The following EPHA6 variants were observed in gnomAD, a reference collection of about 807,000 sequenced individuals.
EPHA6 encodes ephrin type-A receptor 6.
Under a neutral mutation model 112.0 loss-of-function variants are expected in EPHA6, and 50 were observed. The ratio of observed to expected loss-of-function variants is 0.45; its 90% CI spans 0.36 to 0.56. The LOEUF is 0.56. Among genes scored for constraint, EPHA6 ranks in the 20% least tolerant of loss-of-function variants. The pLI is 0.00. For synonymous variants in EPHA6, 529 were observed against 490.7 expected, an observed-to-expected ratio of 1.08 and a Z score of -1.03; for missense variants, 1,280 against 1,417.4, an observed-to-expected ratio of 0.90 and a Z score of 1.56.
intron 3 of EPHA6, among the ~76,000 whole-genome samples, chr3:97,058,247 C>T (rs1335018240): frequency 1.3e-5 from 2 of 151,668 alleles, no homozygotes; most frequent in African/African-American, 2.4e-5. Context: ...GTGCTTTTTA[C>T]CTGAAACCTA....
chr3:97,150,154 T>TA (rs147523017), intron 3 of EPHA6, among the ~76,000 whole-genome samples: 2,411 of 152,062 alleles, frequency 0.016, 74 homozygotes, highest in African/African-American at 0.055. Context: ...CTGTTCTAGT[T>TA]AAAAAATTGA....
intron 4 of EPHA6, among the ~76,000 whole-genome samples, chr3:97,231,132 G>A (rs188449373): frequency 8.3e-4 from 127 of 152,114 alleles, no homozygotes; most frequent in Middle Eastern, 3.4e-3. Flanking sequence ...GACATATTCT[G>A]GTCTCCTCCA....
intron 2 of EPHA6, among the ~76,000 whole-genome samples, chr3:96,964,839 G>C (rs750176717): frequency 6.6e-6 from 1 of 152,126 alleles, no homozygotes; most frequent in Non-Finnish European, 1.5e-5. Flanking sequence ...CTCTGTAATG[G>C]CTGCAAAAGT....
chr3:96,886,742 T>C (rs2037647808), intron 2 of EPHA6, among the ~76,000 whole-genome samples: 1 of 152,168 alleles, frequency 6.6e-6, no homozygotes. Context: ...TGTTTGTTTT[T>C]TGTTTTTGCT....
chr3:97,320,037 T>G (rs2108779308), intron 5 of EPHA6, among the ~76,000 whole-genome samples: 1 of 152,198 alleles, frequency 6.6e-6, no homozygotes, highest in South Asian at 2.1e-4. Flanking sequence ...CGTTCTCTCC[T>G]CACCCTCTTT....
At chr3:96,823,553 C>T (rs1289191512) in intron 1 of EPHA6, among the ~76,000 whole-genome samples, 1 of 151,710 alleles carries the variant, frequency 6.6e-6, no homozygotes, top group Non-Finnish European at 1.5e-5. Flanking sequence ...TAGTATTTAT[C>T]TTGTGAAGGC....
intron 5 of EPHA6, among the ~76,000 whole-genome samples, chr3:97,278,312 C>A (rs1238189420): frequency 1.3e-5 from 2 of 152,098 alleles, no homozygotes; most frequent in African/African-American, 4.8e-5. Context: ...TAGGACTGGT[C>A]GTGTTATGCT....
intron 14 of EPHA6, among the ~76,000 whole-genome samples, chr3:97,713,183 C>A: frequency 6.6e-6 from 1 of 152,108 alleles, no homozygotes; most frequent in Non-Finnish European, 1.5e-5. Context: ...GTGGAGCAGA[C>A]GCTCTAGAGA....
chr3:96,903,318 T>C (rs1177181116), intron 2 of EPHA6, among the ~76,000 whole-genome samples: 3 of 152,028 alleles, frequency 2.0e-5, no homozygotes, highest in African/African-American at 7.2e-5. Context: ...AGAGGTGTCA[T>C]TCTCCTTCCC....
At position 97,483,824 on chromosome 3, in the gene EPHA6, A is replaced by G. The variant is rs1172659742; in HGVS notation, c.2075-110A>G. ...AGGAAGAAAAGAGAGACTTTAAATC[A>G]TTATCAAGACTGACTACTTCAGTAT... is the stretch of plus-strand genomic sequence containing the variant. On this transcript the variant is annotated intron_variant, in intron 9 of 17. Transcript: ENST00000389672. 7 of 1,144,888 alleles carry G rather than the reference A, an allele frequency of 6.1e-6. No individual in the cohort carries two copies. The African/African-American group carries it at 8.0e-5, about 13-fold the overall frequency. 70.9% of individuals were successfully genotyped at this position (1,144,888 alleles called of 1,614,324 possible).
At chr3:96,922,246 C>T (rs1434768413) in intron 2 of EPHA6, among the ~76,000 whole-genome samples, 1 of 152,078 alleles carries the variant, frequency 6.6e-6, no homozygotes, top group Admixed American at 6.6e-5. Flanking sequence ...AAAATGCCTC[C>T]TGCTAAATAA....
intron 3 of EPHA6, among the ~76,000 whole-genome samples, chr3:97,135,806 C>T (rs531798965): frequency 2.0e-5 from 3 of 150,112 alleles, no homozygotes; most frequent in South Asian, 2.1e-4. Flanking sequence ...ACTAAGTAGA[C>T]GCTTTGAAGG....
At chr3:96,931,125 T>C (rs1442311428) in intron 2 of EPHA6, among the ~76,000 whole-genome samples, 1 of 151,746 alleles carries the variant, frequency 6.6e-6, no homozygotes, top group East Asian at 1.9e-4. Flanking sequence ...CTGGACTGAC[T>C]GAGGTACCTG....
intron 10 of EPHA6, among the ~76,000 whole-genome samples, chr3:97,498,449 G>A (rs2092036167): frequency 6.6e-6 from 1 of 152,036 alleles, no homozygotes; most frequent in Non-Finnish European, 1.5e-5. Flanking sequence ...CATGGGCCCA[G>A]TGAAATAATG....
At chr3:97,111,442 A>T (rs888679223) in intron 3 of EPHA6, among the ~76,000 whole-genome samples, 5 of 152,146 alleles carry the variant, frequency 3.3e-5, no homozygotes, top group African/African-American at 1.2e-4. Context: ...CCTGCCAAGT[A>T]GAGAGTGACA....
intron 7 of EPHA6, among the ~76,000 whole-genome samples, chr3:97,451,146 A>G (rs575273657): frequency 2.0e-5 from 3 of 152,022 alleles, no homozygotes; most frequent in Non-Finnish European, 4.4e-5. Flanking sequence ...AACCAAGAGC[A>G]CTTTTTAGCC....
At chr3:96,977,260 G>T (rs71311306) in intron 2 of EPHA6, among the ~76,000 whole-genome samples, 7 of 151,580 alleles carry the variant, frequency 4.6e-5, no homozygotes, top group Non-Finnish European at 1.0e-4. Flanking sequence ...TGAAACAACT[G>T]ACACATAGAA....
chr3:96,998,639 G>A (rs1236002840), intron 3 of EPHA6, among the ~76,000 whole-genome samples: 1 of 151,704 alleles, frequency 6.6e-6, no homozygotes, highest in Non-Finnish European at 1.5e-5. Context: ...TCATTTCTTG[G>A]GAGATTATGT....
chr3:97,064,395 A>G (rs2046116387), intron 3 of EPHA6, among the ~76,000 whole-genome samples: 1 of 152,162 alleles, frequency 6.6e-6, no homozygotes, highest in Admixed American at 6.6e-5. Flanking sequence ...AGAATGCTCT[A>G]AAGAGCCAAC....
Sources: allele counts gnomAD v4.1 joint callset (sites outside exome capture counted in the v4.1 genomes callset), GRCh38; gene constraint gnomAD v4.1.1; transcripts MANE v1.5; gene names NCBI Gene and HGNC (gene_info 2026-07-23, HGNC 2026-07-21).